Variants in SLC49A4 observed in about 807,000 individuals in gnomAD.
The protein encoded by SLC49A4 is disrupted in renal cancer protein 2.
SLC49A4 carries 36 observed loss-of-function variants against 50.6 expected under a neutral mutation model. The observed-to-expected ratio is 0.71, with a 90% CI of 0.55 to 0.94. The LOEUF is 0.94. Ranked by LOEUF, SLC49A4 falls within the 40% of genes least tolerant of loss-of-function variation. The pLI is 0.00. For missense variants in SLC49A4, 503 were observed against 605.7 expected, an observed-to-expected ratio of 0.83 and a Z score of 1.78; for synonymous variants, 248 against 241.2, an observed-to-expected ratio of 1.03 and a Z score of -0.26.
At chr3:122,860,274 G>T in intron 7 of SLC49A4, 72 bp downstream of exon 7, 1 of 1,341,150 alleles carries the variant, frequency 7.5e-7, no homozygotes, top group South Asian at 2.0e-5. Flanking sequence ...TCTGACAGTA[G>T]GACTTCTTCT....
chr3:122,860,874 A>G (rs962306556), intron 7 of SLC49A4, among the ~76,000 whole-genome samples: 6 of 152,242 alleles, frequency 3.9e-5, no homozygotes, highest in Admixed American at 3.3e-4. Context: ...TACAGGTCTC[A>G]CTGGGCTAAA....
At chr3:122,856,727 C>G (rs1446853260) in intron 6 of SLC49A4, among the ~76,000 whole-genome samples, 1 of 150,908 alleles carries the variant, frequency 6.6e-6, no homozygotes, top group Non-Finnish European at 1.5e-5. Flanking sequence ...TCCCAGCTAC[C>G]AGGGAGGCTG....
chr3:122,847,250 T>C (rs1936865760), intron 5 of SLC49A4, among the ~76,000 whole-genome samples: 1 of 152,056 alleles, frequency 6.6e-6, no homozygotes, highest in African/African-American at 2.4e-5. Flanking sequence ...GGTGATCAAC[T>C]AGTAATTGAA....
chr3:122,843,518 G>A (rs572534648), intron 4 of SLC49A4, among the ~76,000 whole-genome samples: 1 of 152,272 alleles, frequency 6.6e-6, no homozygotes, highest in East Asian at 1.9e-4. Context: ...TATCAAATCA[G>A]TGTTTAAATT....
In SLC49A4 at chr3:122,880,555, TC is replaced by T; in HGVS notation, c.*1181del. The T allele has an allele frequency of 6.6e-6, 1 of 152,226 alleles. No homozygotes were observed. Among genetic ancestry groups the T allele is most frequent in the Non-Finnish European group, 1.5e-5 (1 of 68,038 alleles). The allele number at this position is 152,226 out of a possible 1,614,324, so 9.4% of individuals were successfully genotyped here. On this transcript the variant is annotated 3_prime_UTR_variant, in exon 9 of 9. Transcript: ENST00000261038. ...TCACCACTATTCATATTTACATCAT[TC>T]CCCTCACACAGAAAAACCAACCCTT...
Position 122,860,157 on chromosome 3 carries a change from A to G in SLC49A4, c.1093A>G (p.Thr365Ala), listed in dbSNP as rs1287745209. Reference protein sequence around the residue: ...SGATLSSTWFTLTCLNSITHL... With the variant: ...SGATLSSTWFALTCLNSITHL... ...AGCTACACTGTCATCCACGTGGTTC[A>G]CCCTGACCTGTTTGAACAGCATCAC... Residue 365 changes from threonine to alanine, a missense_variant, in exon 7 of 9, where the codon ACC (threonine) becomes GCC (alanine). By Grantham distance (58) the Thr-to-Ala change is moderately conservative. Transcript: ENST00000261038. The G allele has an allele frequency of 1.2e-6, 2 of 1,612,862 alleles. No homozygotes were observed. The highest frequency in any genetic ancestry group is 3.3e-5 in the Admixed American group (2 of 59,818).
At position 122,872,483 on chromosome 3, in the gene SLC49A4, C is replaced by G; in HGVS notation, c.1207C>G (p.Leu403Val). The change falls in exon 8 of 9, where the codon CTT (leucine) becomes GTT (valine). Residue 403 changes from leucine to valine, a missense_variant. Leu to Val is a conservative substitution (Grantham distance 32). Coordinates refer to ENST00000261038, the MANE Select transcript of SLC49A4 (RefSeq NM_032839.3). Reference protein sequence around the residue: ...LNSSVPIFFELFVETVYPVPE... With the variant: ...LNSSVPIFFEVFVETVYPVPE... ...TAGCAGCGTGCCTATATTTTTTGAG[C>G]TTTTTGTGGAAACTGTCTACCCAGT... 1.2e-6 allele frequency: 2 copies of G among 1,613,726 alleles called. No homozygotes were observed. Among genetic ancestry groups the G allele is most frequent in the Non-Finnish European group, 1.7e-6 (2 of 1,179,728 alleles).
At chr3:122,818,605 C>T (rs1936408922) in intron 2 of SLC49A4, among the ~76,000 whole-genome samples, 1 of 151,986 alleles carries the variant, frequency 6.6e-6, no homozygotes. Flanking sequence ...GCCATTTTTC[C>T]CCTGTGCATT....
intron 6 of SLC49A4, among the ~76,000 whole-genome samples, chr3:122,857,238 ACATTGTTAGAATGAGT>A (rs1430274715): frequency 6.7e-6 from 1 of 149,748 alleles, no homozygotes; most frequent in Non-Finnish European, 1.5e-5. Flanking sequence ...TTACAACAAC[ACATTGTTAGAATGAGT>A]CAGAAGTAGG....
intron 5 of SLC49A4, among the ~76,000 whole-genome samples, chr3:122,854,907 C>T (rs528414619): frequency 3.3e-5 from 5 of 152,182 alleles, no homozygotes; most frequent in South Asian, 2.1e-4. Flanking sequence ...CTGGCTAACA[C>T]GGTGAAACCC....
chr3:122,858,382 A>G (rs562401340), intron 6 of SLC49A4, among the ~76,000 whole-genome samples: 14 of 152,210 alleles, frequency 9.2e-5, no homozygotes, highest in Non-Finnish European at 1.9e-4. Flanking sequence ...AGCATACCAA[A>G]ATGTAAATCT....
chr3:122,855,214 G>T (rs1400566652), intron 5 of SLC49A4, among the ~76,000 whole-genome samples: 1 of 152,192 alleles, frequency 6.6e-6, no homozygotes, highest in East Asian at 1.9e-4. Context: ...GTAACCACAA[G>T]GAAAACCAGT....
chr3:122,819,256 A>G (rs1936418975), intron 2 of SLC49A4, among the ~76,000 whole-genome samples: 1 of 151,910 alleles, frequency 6.6e-6, no homozygotes, highest in Non-Finnish European at 1.5e-5. Context: ...AAAAAAAAAA[A>G]AAAAAAAATC....
chr3:122,838,377 T>TA (rs900280460), intron 4 of SLC49A4, among the ~76,000 whole-genome samples: 91 of 152,126 alleles, frequency 6.0e-4, no homozygotes, highest in Non-Finnish European at 4.4e-4. Context: ...TATGCAGCCA[T>TA]AAAAAATGAT....
chr3:122,796,770 C>T (rs949688165), intron 1 of SLC49A4, among the ~76,000 whole-genome samples: 1 of 152,132 alleles, frequency 6.6e-6, no homozygotes, highest in African/African-American at 2.4e-5. Context: ...GTAATCCCAG[C>T]ACGTTGGGAG....
intron 1 of SLC49A4, among the ~76,000 whole-genome samples, chr3:122,796,057 C>T (rs985270756): frequency 6.6e-6 from 1 of 152,204 alleles, no homozygotes; most frequent in Non-Finnish European, 1.5e-5. Context: ...TGCTCGGCAG[C>T]TTTAAAATGT....
chr3:122,836,690 A>G (rs1459795053), intron 4 of SLC49A4, among the ~76,000 whole-genome samples: 1 of 152,174 alleles, frequency 6.6e-6, no homozygotes. Flanking sequence ...CCTATTCAAC[A>G]TAGTGTTGGA....
chr3:122,845,785 G>T lies in SLC49A4; in HGVS notation c.856G>T (p.Ala286Ser), dbSNP rs1936840605. ...CAGCAATTTTCGATTTTTGATGATT[G>T]CTTTAGCATATGCCATACCACTTGG... ...LLSNFRFLMI[A>S]LAYAIPLGVF... The change falls in exon 5 of 9, where the codon GCT (alanine) becomes TCT (serine). Residue 286 changes from alanine (A) to serine (S), a missense_variant. Physicochemically the swap from Ala to Ser is moderately conservative, Grantham distance 99. Coordinates refer to ENST00000261038, the MANE Select transcript of SLC49A4 (RefSeq NM_032839.3). The T allele has an allele frequency of 1.3e-6, 2 of 1,598,396 alleles. No homozygotes were observed. Among genetic ancestry groups the T allele is most frequent in the African/African-American group, 2.7e-5 (2 of 74,266 alleles).
intron 7 of SLC49A4, among the ~76,000 whole-genome samples, chr3:122,869,123 CTTTTAA>C (rs1937159529): frequency 6.6e-6 from 1 of 152,074 alleles, no homozygotes; most frequent in South Asian, 2.1e-4. Flanking sequence ...AATGAAATTT[CTTTTAA>C]TTTTATTAAA....
Sources: gnomAD v4.1 joint callset for allele counts (sites outside exome capture counted in the v4.1 genomes callset) on GRCh38, gnomAD v4.1.1 for gene constraint, MANE v1.5 for transcripts, NCBI Gene and HGNC (gene_info 2026-07-23, HGNC 2026-07-21) for gene names.